CDKL3: variants seen among roughly 807,000 people sequenced by gnomAD.
CDKL3 encodes cyclin dependent kinase like 3.
CDKL3 carries 65 observed loss-of-function variants against 69.3 expected under a neutral mutation model. The observed-to-expected ratio is 0.94, with a 90% CI of 0.77 to 1.15. CDKL3 has a LOEUF of 1.15. CDKL3 is among the 50% of genes most tolerant of loss of function. The pLI is 0.00. For missense variants in CDKL3, 652 were observed against 689.2 expected, an observed-to-expected ratio of 0.95 and a Z score of 0.61; for synonymous variants, 202 against 221.6, an observed-to-expected ratio of 0.91 and a Z score of 0.79.
chr5:134,358,410 C>A (rs1018554062), intron 3 of CDKL3, among the ~76,000 whole-genome samples: 2 of 152,120 alleles, frequency 1.3e-5, no homozygotes, highest in African/African-American at 4.8e-5. Flanking sequence ...TCAGTTTAGC[C>A]CAGACTGAGA....
At chr5:134,345,823 G>A (rs578073912) in intron 4 of CDKL3, among the ~76,000 whole-genome samples, 3 of 152,306 alleles carry the variant, frequency 2.0e-5, no homozygotes, top group East Asian at 1.9e-4. Context: ...GCAGGTCACA[G>A]GGGATATGAT....
Position 134,298,464 on chromosome 5 carries a change from A to T in CDKL3, c.*187T>A. ...TGACTTTATAATTCCAAATCAAATT[A>T]TCACATCAACAGAGTCTTAAAAGGG... On this transcript the variant is annotated 3_prime_UTR_variant, in exon 13 of 13. Coordinates refer to ENST00000265334, the MANE Select transcript of CDKL3 (RefSeq NM_001113575.2). The T allele has an allele frequency of 7.4e-7, 1 of 1,351,230 alleles. No individual in the cohort carries two copies. The highest frequency in any genetic ancestry group is 9.5e-7 in the Non-Finnish European group (1 of 1,056,720). 83.7% of individuals were successfully genotyped at this position (1,351,230 alleles called of 1,614,324 possible).
At chr5:134,346,785 C>G (rs373485492) in intron 4 of CDKL3, among the ~76,000 whole-genome samples, 1 of 152,096 alleles carries the variant, frequency 6.6e-6, no homozygotes, top group Non-Finnish European at 1.5e-5. Flanking sequence ...CATGAGCCAC[C>G]GTGCCCAGCC....
chr5:134,288,412 GCT>G (rs1401187038), intron 8 of CDKL3, among the ~76,000 whole-genome samples: 4 of 152,106 alleles, frequency 2.6e-5, no homozygotes, highest in African/African-American at 9.7e-5. Context: ...ACATTATACA[GCT>G]CTCTTTTAAA....
chr5:134,295,948 G>T (rs1765327410), downstream of CDKL3, among the ~76,000 whole-genome samples: 1 of 152,064 alleles, frequency 6.6e-6, no homozygotes, highest in Non-Finnish European at 1.5e-5. Flanking sequence ...CCAGGCTGGA[G>T]TGCAGTGGCA....
At chr5:134,364,559 T>C (rs1409693532) in intron 2 of CDKL3, among the ~76,000 whole-genome samples, 1 of 152,208 alleles carries the variant, frequency 6.6e-6, no homozygotes, top group Admixed American at 6.5e-5. Flanking sequence ...TTGCCCAGGC[T>C]GGACTGCAAT....
chr5:134,308,328 G>T lies in CDKL3; in HGVS notation c.1174C>A (p.His392Asn). ...AGTTTTGTATCTGGAGACATAGGAT[G>T]AACATTTTCATTTGCATCCTGTTGA... ...LGQQDANENV[H>N]PMSPDTKLVT... The change falls in exon 9 of 13, where the codon CAT becomes AAT. Residue 392 changes from histidine to asparagine, a missense_variant. Transcript: ENST00000265334. The T allele has an allele frequency of 6.2e-7, 1 of 1,613,900 alleles. No individual in the cohort carries two copies. Among genetic ancestry groups the T allele is most frequent in the East Asian group, 2.2e-5 (1 of 44,868 alleles).
chr5:134,337,747 C>T lies in CDKL3; in HGVS notation c.539+12502G>A, dbSNP rs184373967. Among the ~76,000 whole-genome samples the T allele has an allele frequency of 1.5e-3, 228 of 152,260 alleles. 3 individuals carry two copies. Among genetic ancestry groups the T allele is most frequent in the African/African-American group, 4.9e-3 (203 of 41,560 alleles). On this transcript the variant is annotated intron_variant, in intron 4 of 12. Coordinates refer to ENST00000265334, the MANE Select transcript of CDKL3 (RefSeq NM_001113575.2). ...AAGAACTTTTCATAAAGCATCAATG[C>T]TTTCACCATTCTTCCACTCAAGCTT...
upstream of CDKL3, chr5:134,371,308 C>T (rs547863309): frequency 4.2e-5 from 23 of 550,150 alleles, no homozygotes; most frequent in African/African-American, 2.1e-4. Flanking sequence ...TTGTCTATTA[C>T]TTCAGGAAGC....
intron 4 of CDKL3, among the ~76,000 whole-genome samples, chr5:134,341,490 T>C (rs1750471812): frequency 2.0e-5 from 3 of 152,254 alleles, no homozygotes; most frequent in African/African-American, 7.2e-5. Context: ...AGTTGCATGA[T>C]AATGATATGA....
chr5:134,360,283 C>A (rs1755699378), intron 2 of CDKL3, among the ~76,000 whole-genome samples, 192 bp from the exon 3 acceptor site: 2 of 152,152 alleles, frequency 1.3e-5, no homozygotes, highest in African/African-American at 4.8e-5. Context: ...TGGCTCAGTG[C>A]AACCTCCACC....
chr5:134,360,355 C>A (rs2149648664), intron 2 of CDKL3, among the ~76,000 whole-genome samples: 1 of 152,256 alleles, frequency 6.6e-6, no homozygotes, highest in South Asian at 2.1e-4. Flanking sequence ...CAAGCGTGCA[C>A]CACCATGCCC....
chr5:134,367,842 A>T (rs1442818031), upstream of CDKL3, among the ~76,000 whole-genome samples: 3 of 152,244 alleles, frequency 2.0e-5, no homozygotes, highest in African/African-American at 7.2e-5. Context: ...ATGATGTACA[A>T]GAGCACGGAA....
chr5:134,308,337 C>A lies in CDKL3; in HGVS notation c.1165G>T (p.Glu389Ter), dbSNP rs749916866. 6.2e-7 allele frequency: 1 copy of A among 1,613,882 alleles called. No individual in the cohort carries two copies. The highest frequency in any genetic ancestry group is 8.5e-7 in the Non-Finnish European group (1 of 1,179,796). The part of the protein sequence containing the change: ...EGGLGQQDAN[E>*]NVHPMSPDTK... ...TCTGGAGACATAGGATGAACATTTTCATTTGCATCCTGTTGACCAAGTCCA... is the reference window on the plus strand; with the variant it reads ...TCTGGAGACATAGGATGAACATTTTAATTTGCATCCTGTTGACCAAGTCCA... The change falls in exon 9 of 13, where the codon GAA (glutamate) becomes TAA (stop). Residue 389 changes from glutamate (E) to a stop codon, truncating the protein, a stop_gained. Coordinates refer to ENST00000265334, the MANE Select transcript of CDKL3 (RefSeq NM_001113575.2). LOFTEE classifies it high-confidence loss of function.
intron 3 of CDKL3, 21 bp from the exon 4 acceptor site, chr5:134,350,448 A>C: frequency 5.7e-6 from 8 of 1,414,106 alleles, no homozygotes; most frequent in Non-Finnish European, 7.8e-6. Context: ...AACAGAATAC[A>C]AAATACATTA....
intron 4 of CDKL3, among the ~76,000 whole-genome samples, chr5:134,331,264 G>C (rs1305125850): frequency 6.6e-6 from 1 of 151,910 alleles, no homozygotes; most frequent in East Asian, 1.9e-4. Flanking sequence ...GCTGCTGCAG[G>C]CTTCATTTTT....
chr5:134,329,983 C>T (rs1775370821), intron 4 of CDKL3, among the ~76,000 whole-genome samples: 1 of 149,976 alleles, frequency 6.7e-6, no homozygotes, highest in Non-Finnish European at 1.5e-5. Context: ...GCACTCCAGT[C>T]TGGGCAACAG....
chr5:134,365,023 C>T (rs1363808952), intron 2 of CDKL3, among the ~76,000 whole-genome samples: 1 of 151,188 alleles, frequency 6.6e-6, no homozygotes, highest in Non-Finnish European at 1.5e-5. Flanking sequence ...TGCTCTGTCG[C>T]CCAGGCTGGA....
rs561526607 is a variant in CDKL3 at position 134,337,470 on chromosome 5, T to C, written c.539+12779A>G. 8.5e-5 allele frequency among the ~76,000 whole-genome samples: 13 copies of C among 152,316 alleles called. No homozygotes were observed. The South Asian group carries it at 2.7e-3, about 32-fold the overall frequency. ...GGGAGCTGTAGACCGGAGATATTCCTATTGGGCCATCTTGGTGTTTTCTCA... is the reference window on the plus strand; with the variant it reads ...GGGAGCTGTAGACCGGAGATATTCCCATTGGGCCATCTTGGTGTTTTCTCA... On this transcript the variant is annotated intron_variant, in intron 4 of 12. Transcript: ENST00000265334.
Sources: allele counts gnomAD v4.1 joint callset (sites outside exome capture counted in the v4.1 genomes callset), GRCh38; gene constraint gnomAD v4.1.1; transcripts MANE v1.5; gene names NCBI Gene and HGNC (gene_info 2026-07-23, HGNC 2026-07-21).